Variants in FBP2 observed in about 807,000 individuals in gnomAD.
FBP2 encodes the protein fructose-1,6-bisphosphatase isozyme 2.
FBP2 carries 27 observed loss-of-function variants against 31.6 expected under a neutral mutation model. The observed-to-expected ratio is 0.85, with a 90% CI of 0.63 to 1.18. FBP2 has a LOEUF of 1.18. Among genes scored for constraint, FBP2 ranks in the 50% most tolerant of loss-of-function variants. FBP2 has a pLI of 0.00. For synonymous variants in FBP2, 168 were observed against 179.8 expected (o/e 0.93, Z 0.53); for missense variants, 421 against 436.1 (o/e 0.97, Z 0.31).
At position 94,563,456 on chromosome 9, in the gene FBP2, G is replaced by T. The variant is rs758492137; in HGVS notation, c.711C>A (p.Gly237=). Residue 237 remains glycine (G), a synonymous_variant, in exon 6 of 7, where the codon GGC becomes GGA. Transcript: ENST00000375337. The part of the protein sequence containing the change: ...YVQKKKFPED[G]SAPYGARYVG... ...CATACCTGGCCCCATAGGGAGCACT[G>T]CCATCCTAGAAGACAGAAAGCGAAG... 1 of 1,613,370 alleles carries T rather than the reference G, an allele frequency of 6.2e-7. No homozygotes were observed. The highest frequency in any genetic ancestry group is 8.5e-7 in the Non-Finnish European group (1 of 1,179,550).
chr9:94,569,876 C>G (rs1437047392), intron 4 of FBP2: 1 of 152,354 alleles, frequency 6.6e-6, no homozygotes, highest in East Asian at 1.9e-4. Context: ...TTTGACCCAC[C>G]AGGGAATGCT....
At position 94,587,377 on chromosome 9, in the gene FBP2, G is replaced by T; in HGVS notation, c.263C>A (p.Ser88Tyr). Residue 88 changes from serine to tyrosine, a missense_variant, in exon 2 of 7, where the codon TCC becomes TAC. Ser to Tyr is a moderately radical substitution (Grantham distance 144). Coordinates refer to ENST00000375337, the MANE Select transcript of FBP2 (RefSeq NM_003837.4). Reference protein sequence around the residue: ...SNSLVINMVQSSYSTCVLVSE... With the variant: ...SNSLVINMVQYSYSTCVLVSE... The stretch of plus-strand genomic sequence containing the variant: ...GACCAGGACGCAGGTACTATAGGAG[G>T]ATTGGACCATGTTGATCACCAGGGA... The T allele has an allele frequency of 1.9e-6, 3 of 1,614,062 alleles. No homozygotes were observed. The highest frequency in any genetic ancestry group is 2.5e-6 in the Non-Finnish European group (3 of 1,179,930).
At chr9:94,586,734 C>T (rs1827431405) in intron 2 of FBP2, 1 of 152,192 alleles carries the variant, frequency 6.6e-6, no homozygotes, top group South Asian at 2.1e-4. Context: ...CATTGGCAAA[C>T]CTCTCTGTAT....
At chr9:94,563,531 C>G (rs574374436) in intron 5 of FBP2, 70 bp from the exon 6 acceptor site, 1 of 1,565,440 alleles carries the variant, frequency 6.4e-7, no homozygotes, top group Non-Finnish European at 8.7e-7. Context: ...CTCGTGGTCA[C>G]AAGTCCAGTT....
chr9:94,585,267 T>TAAA (rs112310825), intron 2 of FBP2, among the ~76,000 whole-genome samples: 63 of 151,928 alleles, frequency 4.1e-4, no homozygotes, highest in African/African-American at 1.5e-3. Flanking sequence ...TCCAATTTTT[T>TAAA]AAAAAAAAAT....
intron 5 of FBP2, among the ~76,000 whole-genome samples, chr9:94,566,989 G>A (rs509022): frequency 1.3e-5 from 2 of 151,922 alleles, no homozygotes; most frequent in Admixed American, 6.6e-5. Flanking sequence ...AGGATCTGGC[G>A]TGAGCTCTGA....
intron 2 of FBP2, among the ~76,000 whole-genome samples, chr9:94,586,976 G>A (rs1410102646): frequency 6.6e-6 from 1 of 152,186 alleles, no homozygotes; most frequent in Non-Finnish European, 1.5e-5. Context: ...AGGCTGTACA[G>A]TACAGCTCTT....
At chr9:94,575,010 C>T (rs1827302722) in intron 3 of FBP2, among the ~76,000 whole-genome samples, 2 of 152,114 alleles carry the variant, frequency 1.3e-5, no homozygotes, top group Non-Finnish European at 2.9e-5. Flanking sequence ...CCTACCACTA[C>T]TTTTTGGTAA....
chr9:94,565,778 A>AGAT (rs1223045774), intron 5 of FBP2, among the ~76,000 whole-genome samples: 1 of 66,218 alleles, frequency 1.5e-5, no homozygotes, highest in Non-Finnish European at 3.3e-5. Flanking sequence ...GATGATAGAT[A>AGAT]GATAGATAGA....
chr9:94,574,149 T>C (rs1257398575), intron 3 of FBP2, among the ~76,000 whole-genome samples: 1 of 152,184 alleles, frequency 6.6e-6, no homozygotes, highest in African/African-American at 2.4e-5. Flanking sequence ...ATTAACAATC[T>C]ACTGCATAAA....
intron 3 of FBP2, among the ~76,000 whole-genome samples, chr9:94,582,941 G>C (rs1246076610): frequency 7.0e-6 from 1 of 142,196 alleles, no homozygotes; most frequent in Non-Finnish European, 1.5e-5. Context: ...TGCAACCTCT[G>C]CCCCCGGGTT....
Position 94,584,587 on chromosome 9 carries a change from A to T in FBP2, c.416T>A (p.Ile139Asn). The T allele has an allele frequency of 6.2e-7, 1 of 1,609,520 alleles. No individual in the cohort carries two copies. Among genetic ancestry groups the T allele is most frequent in the Middle Eastern group, 1.7e-4 (1 of 6,054 alleles). Residue 139 changes from isoleucine to asparagine, a missense_variant, in exon 3 of 7, where the codon ATC becomes AAC. Physicochemically the swap from Ile to Asn is moderately radical, Grantham distance 149 (BLOSUM62 -3). Transcript: ENST00000375337. The part of the protein sequence containing the change: ...CLASIGTIFA[I>N]YRKTSEDEPS... The stretch of plus-strand genomic sequence containing the variant: ...AGCCTGTCTACTCACCTTTCTATAG[A>T]TGGCAAAGATGGTTCCGATGGAGGC...
At chr9:94,581,908 C>T (rs374079621) in intron 3 of FBP2, among the ~76,000 whole-genome samples, 10 of 151,890 alleles carry the variant, frequency 6.6e-5, no homozygotes, top group East Asian at 1.9e-4. Context: ...CAATTAGAAA[C>T]GGGACCTAAG....
At chr9:94,576,396 G>T (rs1285877809) in intron 3 of FBP2, among the ~76,000 whole-genome samples, 1 of 152,224 alleles carries the variant, frequency 6.6e-6, no homozygotes, top group Non-Finnish European at 1.5e-5. Context: ...ACTGGACTCT[G>T]CAGGCAGTGA....
Position 94,593,730 on chromosome 9 carries a change from G to A in FBP2, c.-4C>T. 2 of 1,613,862 alleles carry A rather than the reference G, an allele frequency of 1.2e-6. 1 individual carries two copies. The highest frequency in any genetic ancestry group is 3.3e-4 in the Middle Eastern group (2 of 6,060). On this transcript the variant is annotated 5_prime_UTR_variant, in exon 1 of 7. Transcript: ENST00000375337. Reference sequence around the variant, plus strand: ...CGAAGGGGCTTCTGTCCGTCATTTTGGCTGGAATGCTTCAAATCCTTTTCT... The same window carrying A: ...CGAAGGGGCTTCTGTCCGTCATTTTAGCTGGAATGCTTCAAATCCTTTTCT...
In FBP2 at chr9:94,563,514, G is replaced by T. The variant is rs905139462; in HGVS notation, c.706-53C>A. 1.9e-6 allele frequency: 3 copies of T among 1,582,566 alleles called. No homozygotes were observed. In the African/African-American group the frequency reaches 4.0e-5, roughly 21 times the overall value. On this transcript the variant is annotated intron_variant, in intron 5 of 6. Coordinates refer to ENST00000375337, the MANE Select transcript of FBP2 (RefSeq NM_003837.4). ...ATCCAGTGGCTTTCAGGATTAGCCA[G>T]CACCTGCTCGTGGTCACAAGTCCAG...
At chr9:94,591,210 G>A (rs1827497215) in intron 1 of FBP2, among the ~76,000 whole-genome samples, 1 of 152,264 alleles carries the variant, frequency 6.6e-6, no homozygotes, top group South Asian at 2.1e-4. Flanking sequence ...GCTCGTCGGG[G>A]AGGCTCGGGC....
chr9:94,586,303 A>G (rs1587845491), intron 2 of FBP2, among the ~76,000 whole-genome samples: 1 of 152,186 alleles, frequency 6.6e-6, no homozygotes, highest in Admixed American at 6.5e-5. Context: ...TGAACCCGGG[A>G]GGCAGAGGTT....
chr9:94,566,884 G>A lies in FBP2; in HGVS notation c.705+386C>T, dbSNP rs186170977. Among the ~76,000 whole-genome samples, 123 of 152,170 alleles carry A rather than the reference G, an allele frequency of 8.1e-4. 1 individual carries two copies. Among genetic ancestry groups the A allele is most frequent in the African/African-American group, 2.7e-3 (113 of 41,516 alleles). ...ATCTCTTTTAATTTCATTTTTCCAT[G>A]AACTTTTTGAAGGCCTCTCATATAA... is the stretch of plus-strand genomic sequence containing the variant. On this transcript the variant is annotated intron_variant, in intron 5 of 6. Coordinates refer to ENST00000375337, the MANE Select transcript of FBP2 (RefSeq NM_003837.4).
Sources: allele counts gnomAD v4.1 joint callset (sites outside exome capture counted in the v4.1 genomes callset), GRCh38; gene constraint gnomAD v4.1.1; transcripts MANE v1.5; gene names NCBI Gene and HGNC (gene_info 2026-07-23, HGNC 2026-07-21).